Variants in GALNT8 observed in about 807,000 individuals in gnomAD.
GALNT8 encodes the protein probable polypeptide N-acetylgalactosaminyltransferase 8.
A neutral mutation model predicts 62.7 loss-of-function variants in GALNT8; 66 were observed. The ratio of observed to expected loss-of-function variants is 1.05; its 90% confidence interval spans 0.86 to 1.29. The LOEUF is 1.29. Ranked by LOEUF, GALNT8 falls within the 50% of genes most tolerant of loss-of-function variation. The pLI, the probability that GALNT8 is intolerant of heterozygous loss-of-function variation, is 0.00. For missense variants in GALNT8, 771 were observed against 791.8 expected (o/e 0.97, Z 0.32); for synonymous variants, 288 against 294.3 (o/e 0.98, Z 0.22).
In GALNT8 at chr12:4,730,361, C is replaced by T. The variant is rs1591564715; in HGVS notation, c.509+3532C>T. 3.3e-5 allele frequency among the ~76,000 whole-genome samples: 5 copies of T among 152,192 alleles called. No homozygotes were observed. The South Asian group carries it at 1.0e-3, about 32-fold the overall frequency. ...ACAGTTCTGGGTTTTATATTTAAGT[C>T]TTTAATCTAGTTTCAGTTGATTTTG... is the stretch of plus-strand genomic sequence containing the variant. On this transcript the variant is annotated intron_variant, in intron 2 of 10. Coordinates refer to ENST00000252318, the MANE Select transcript of GALNT8 (RefSeq NM_017417.2).
At chr12:4,759,326 T>A (rs1299380918) in intron 6 of GALNT8, among the ~76,000 whole-genome samples, 1 of 151,832 alleles carries the variant, frequency 6.6e-6, no homozygotes, top group Non-Finnish European at 1.5e-5. Flanking sequence ...GCACTTCAGG[T>A]TATCTCAGAG....
chr12:4,722,017 C>T (rs1189809306), intron 1 of GALNT8, among the ~76,000 whole-genome samples: 1 of 151,916 alleles, frequency 6.6e-6, no homozygotes, highest in Non-Finnish European at 1.5e-5. Flanking sequence ...AGCCCTTAAT[C>T]CATTTAACCC....
At position 4,720,659 on chromosome 12, in the gene GALNT8, G is replaced by C. The variant is rs1211408778; in HGVS notation, c.-19G>C. ...GACACACTCAGTCCCACAGGGAGTGGACGACCCCCAGGAAGAAGATGATGT... is the reference window on the plus strand; with the variant it reads ...GACACACTCAGTCCCACAGGGAGTGCACGACCCCCAGGAAGAAGATGATGT... On this transcript the variant is annotated 5_prime_UTR_variant, in exon 1 of 11. Coordinates refer to ENST00000252318, the MANE Select transcript of GALNT8 (RefSeq NM_017417.2). 1.0e-5 allele frequency: 16 copies of C among 1,538,330 alleles called. No individual in the cohort carries two copies. Among genetic ancestry groups the C allele is most frequent in the Non-Finnish European group, 1.4e-5 (16 of 1,110,930 alleles).
chr12:4,755,110 A>G (rs1450007527), intron 6 of GALNT8, among the ~76,000 whole-genome samples: 3 of 152,204 alleles, frequency 2.0e-5, no homozygotes, highest in African/African-American at 4.8e-5. Context: ...TTGATATTTC[A>G]GTAGGTTGTG....
intron 9 of GALNT8, among the ~76,000 whole-genome samples, chr12:4,764,252 G>T (rs1235202817): frequency 6.6e-6 from 1 of 152,222 alleles, no homozygotes; most frequent in Non-Finnish European, 1.5e-5. Flanking sequence ...TTCCATTTCA[G>T]TTACAGGGAG....
chr12:4,726,561 C>A lies in GALNT8; in HGVS notation c.241C>A (p.Gln81Lys). Residue 81 changes from glutamine (Q) to lysine (K), a missense_variant, in exon 2 of 11, where the codon CAA (glutamine) becomes AAA (lysine). Coordinates refer to ENST00000252318, the MANE Select transcript of GALNT8 (RefSeq NM_017417.2). The surrounding 1 kb of genome is among the most constrained non-coding windows in gnomAD (Gnocchi z 4.1). ...KESMKLALRQ[Q>K]ENVNSTLKRA... ...AAGTATGAAATTAGCTCTGAGGCAA[C>A]AAGAAAATGTGAACAGCACACTGAA... 3.1e-6 allele frequency: 5 copies of A among 1,612,968 alleles called. No individual in the cohort carries two copies. Among genetic ancestry groups the A allele is most frequent in the Non-Finnish European group, 4.2e-6 (5 of 1,179,310 alleles).
At chr12:4,721,491 T>C (rs1367506122) in intron 1 of GALNT8, among the ~76,000 whole-genome samples, 1 of 152,016 alleles carries the variant, frequency 6.6e-6, no homozygotes, top group African/African-American at 2.4e-5. Flanking sequence ...GATAAACACG[T>C]GAACAAAGGT....
intron 2 of GALNT8, among the ~76,000 whole-genome samples, chr12:4,733,680 A>G (rs1946230582): frequency 6.6e-6 from 1 of 152,256 alleles, no homozygotes; most frequent in African/African-American, 2.4e-5. Flanking sequence ...TTTAAAGTTC[A>G]TCTCTGCCAG....
At chr12:4,728,180 A>G (rs905248384) in intron 2 of GALNT8, among the ~76,000 whole-genome samples, 9 of 148,852 alleles carry the variant, frequency 6.0e-5, no homozygotes, top group African/African-American at 2.0e-4. Context: ...AGAAATGTCT[A>G]TTTGGAGACG....
At chr12:4,722,732 A>C (rs1039100244) in intron 1 of GALNT8, among the ~76,000 whole-genome samples, 1 of 152,120 alleles carries the variant, frequency 6.6e-6, no homozygotes, top group South Asian at 2.1e-4. Flanking sequence ...GTGTGTGCAC[A>C]TGGGGCTGGA....
chr12:4,730,859 T>G, intron 2 of GALNT8, among the ~76,000 whole-genome samples: 1 of 150,940 alleles, frequency 6.6e-6, no homozygotes, highest in Non-Finnish European at 1.5e-5. Context: ...GAGATGATTT[T>G]TCTTTTCTTT....
intron 10 of GALNT8, among the ~76,000 whole-genome samples, chr12:4,770,306 G>GAAAAAAAAAAAA (rs1251278189): frequency 1.0e-5 from 1 of 100,058 alleles, no homozygotes. Flanking sequence ...TGTCTCAAAA[G>GAAAAAAAAAAAA]AAAAAAAAAA....
At chr12:4,746,408 G>A (rs1183636163) in intron 6 of GALNT8, 150 bp downstream of exon 6, 5 of 623,712 alleles carry the variant, frequency 8.0e-6, no homozygotes, top group East Asian at 2.8e-5. Flanking sequence ...GGCCAAGGAC[G>A]GGGGGCAATA....
chr12:4,733,476 A>T (rs550958980), intron 2 of GALNT8, among the ~76,000 whole-genome samples: 25 of 152,368 alleles, frequency 1.6e-4, no homozygotes, highest in African/African-American at 5.5e-4. Flanking sequence ...AAAGATGCAC[A>T]GGAAACAGGG....
chr12:4,762,980 C>T (rs1388794599), intron 7 of GALNT8, among the ~76,000 whole-genome samples: 1 of 152,248 alleles, frequency 6.6e-6, no homozygotes, highest in Non-Finnish European at 1.5e-5. Context: ...GGATTGGTTA[C>T]AGCTCCGTGT....
chr12:4,721,438 G>T (rs984869069), intron 1 of GALNT8, among the ~76,000 whole-genome samples: 23 of 152,100 alleles, frequency 1.5e-4, no homozygotes, highest in Non-Finnish European at 2.9e-4. Context: ...CGGAGAGGGG[G>T]ATGTGTCAGG....
chr12:4,739,353 AT>A (rs1555068582), intron 3 of GALNT8, 24 bp downstream of exon 3: 4 of 1,597,108 alleles, frequency 2.5e-6, no homozygotes, highest in Non-Finnish European at 3.4e-6. Flanking sequence ...TCAAAGAATA[AT>A]TGTAAAAATG....
intron 6 of GALNT8, among the ~76,000 whole-genome samples, chr12:4,757,204 G>T (rs1946349168): frequency 6.6e-6 from 1 of 152,148 alleles, no homozygotes; most frequent in African/African-American, 2.4e-5. Flanking sequence ...CCAGTCTCAG[G>T]CAGTTCTCTA....
intron 5 of GALNT8, among the ~76,000 whole-genome samples, chr12:4,745,932 G>C (rs1419592521): frequency 6.6e-6 from 1 of 152,210 alleles, no homozygotes; most frequent in South Asian, 2.1e-4. Context: ...GAAGAAAAAG[G>C]TGTAATTTCA....
Sources: gnomAD v4.1 joint callset for allele counts (sites outside exome capture counted in the v4.1 genomes callset) on GRCh38, gnomAD v4.1.1 for gene constraint, Gnocchi (gnomAD v3.1) non-coding constraint, MANE v1.5 for transcripts, NCBI Gene and HGNC (gene_info 2026-07-23, HGNC 2026-07-21) for gene names.